PADI6: variants seen among roughly 807,000 people sequenced by gnomAD.
PADI6 encodes the protein inactive protein-arginine deiminase type-6.
PADI6 carries 66 observed loss-of-function variants against 78.2 expected under a neutral mutation model. The observed-to-expected ratio is 0.84, with a 90% CI of 0.69 to 1.04. The LOEUF is 1.04. Among genes scored for constraint, PADI6 ranks in the 50% least tolerant of loss-of-function variants. PADI6 has a pLI of 0.00. For synonymous variants in PADI6, 397 were observed against 346.9 expected (o/e 1.14, Z -1.60); for missense variants, 854 against 866.1 (o/e 0.99, Z 0.18).
chr1:17,385,526 T>C (rs2075111398), intron 6 of PADI6, among the ~76,000 whole-genome samples: 1 of 152,020 alleles, frequency 6.6e-6, no homozygotes, highest in South Asian at 2.1e-4. Context: ...TCGGAAGGCA[T>C]TGTCTGCCTT....
chr1:17,397,243 G>A (rs12129196), intron 14 of PADI6, 102 bp downstream of exon 14: 490,088 of 1,306,424 alleles, frequency 0.38, 94,036 homozygotes, highest in African/African-American at 0.4. Flanking sequence ...AGTGTTGGGC[G>A]GCGGGGGGCA....
intron 2 of PADI6, among the ~76,000 whole-genome samples, chr1:17,374,844 A>C (rs1345985832): frequency 1.3e-5 from 2 of 152,018 alleles, no homozygotes; most frequent in Non-Finnish European, 2.9e-5. Context: ...CATGACCAAG[A>C]CCTTGTGGTC....
rs965596617 is a variant in PADI6, at chr1:17,379,382, G to C, written c.368-538G>C. Among the ~76,000 whole-genome samples the C allele has an allele frequency of 1.3e-4, 19 of 144,052 alleles. 2 individuals carry two copies. Among genetic ancestry groups the C allele is most frequent in the African/African-American group, 5.6e-4 (19 of 33,910 alleles). 94.5% of individuals were successfully genotyped at this position (144,052 alleles called of 152,430 possible). ...GCCCGCCTCGGCCTCCCAAAGTGCT[G>C]GGATTACAGGCGTGAGCCATCGCGC... On this transcript the variant is annotated intron_variant, in intron 3 of 15. Coordinates refer to ENST00000619609, the MANE Select transcript of PADI6 (RefSeq NM_207421.4).
chr1:17,401,131 G>A (rs1270712635), intron 15 of PADI6, 74 bp from the exon 16 acceptor site: 2 of 1,417,348 alleles, frequency 1.4e-6, no homozygotes, highest in African/African-American at 1.4e-5. Flanking sequence ...TCTGACCGCA[G>A]AGAGGCAGGT....
At position 17,379,954 on chromosome 1, in the gene PADI6, G is replaced by T; in HGVS notation, c.402G>T (p.Gly134=). ...TAGAGGTAGACATCTACCGCAATGGGCAAGTTGAGATGTCAAGTGACAAAC... is the reference window on the plus strand; with the variant it reads ...TAGAGGTAGACATCTACCGCAATGGTCAAGTTGAGATGTCAAGTGACAAAC... ...VSLEVDIYRN[G]QVEMSSDKQA... The change falls in exon 4 of 16, where the codon GGG becomes GGT. Residue 134 remains glycine, a synonymous_variant. Coordinates refer to ENST00000619609, the MANE Select transcript of PADI6 (RefSeq NM_207421.4). 1 of 1,613,476 alleles carries T rather than the reference G, an allele frequency of 6.2e-7. No homozygotes were observed. Among genetic ancestry groups the T allele is most frequent in the South Asian group, 1.1e-5 (1 of 91,054 alleles).
chr1:17,385,649 C>T (rs1031395900), intron 6 of PADI6, among the ~76,000 whole-genome samples: 1 of 152,066 alleles, frequency 6.6e-6, no homozygotes, highest in Non-Finnish European at 1.5e-5. Context: ...TCTAGATGTT[C>T]TAGTCTATTG....
intron 9 of PADI6, 55 bp downstream of exon 9, chr1:17,392,280 G>A (rs2075194439): frequency 3.0e-6 from 4 of 1,317,682 alleles, no homozygotes; most frequent in Non-Finnish European, 3.2e-6. Flanking sequence ...GACTCAGCAT[G>A]TGCCACCTAA....
intron 9 of PADI6, among the ~76,000 whole-genome samples, chr1:17,393,007 A>G (rs1472724665): frequency 1.3e-5 from 2 of 152,176 alleles, no homozygotes; most frequent in Non-Finnish European, 2.9e-5. Context: ...TCAGCCGGGC[A>G]TGGTGGCGCG....
At position 17,376,522 on chromosome 1, in the gene PADI6, TTATTTTTAGTGGGCTATTTTTTTTG is replaced by T. The variant is rs1230348764; in HGVS notation, c.367+1040_367+1064del. Reference sequence around the variant, plus strand: ...TTTATTTTTAGTGGGCTAATTTTTTTTATTTTTAGTGGGCTATTTTTTTTGTATTTTTAGTGGGCTAATTTTTTTG... The same window carrying T: ...TTTATTTTTAGTGGGCTAATTTTTTTTATTTTTAGTGGGCTAATTTTTTTG... On this transcript the variant is annotated intron_variant, in intron 3 of 15. Coordinates refer to ENST00000619609, the MANE Select transcript of PADI6 (RefSeq NM_207421.4). 4.8e-3 allele frequency among the ~76,000 whole-genome samples: 725 copies of T among 149,798 alleles called. 2 individuals carry two copies. The highest frequency in any genetic ancestry group is 9.5e-3 in the African/African-American group (386 of 40,580).
chr1:17,380,319 C>T (rs1414038534), intron 4 of PADI6, among the ~76,000 whole-genome samples: 3 of 152,102 alleles, frequency 2.0e-5, no homozygotes, highest in Admixed American at 6.5e-5. Flanking sequence ...AAGTAATTCT[C>T]CTGCCTCAGC....
At chr1:17,376,944 A>AGACAC (rs2075025165) in intron 3 of PADI6, among the ~76,000 whole-genome samples, 1 of 152,026 alleles carries the variant, frequency 6.6e-6, no homozygotes, top group African/African-American at 2.4e-5. Flanking sequence ...TGGAGTGAAG[A>AGACAC]GACACGATCA....
chr1:17,394,980 T>C lies in PADI6; in HGVS notation c.1367T>C (p.Leu456Pro). The change falls in exon 12 of 16, where the codon CTC becomes CCC. Residue 456 changes from leucine to proline, a missense_variant. Coordinates refer to ENST00000619609, the MANE Select transcript of PADI6 (RefSeq NM_207421.4). ...GAGGGCCGGGCCATGAGTAAGACCC[T>C]CCGAGACTTCCTCTATGCCCAGCAG... ...SAEGRAMSKTLRDFLYAQQVQ... is the reference protein window; with the variant it reads ...SAEGRAMSKTPRDFLYAQQVQ... 6.2e-7 allele frequency: 1 copy of C among 1,613,090 alleles called. No homozygotes were observed. The highest frequency in any genetic ancestry group is 8.5e-7 in the Non-Finnish European group (1 of 1,179,848).
chr1:17,387,014 G>C (rs1041175196), intron 6 of PADI6, among the ~76,000 whole-genome samples: 4 of 152,194 alleles, frequency 2.6e-5, no homozygotes, highest in Admixed American at 6.5e-5. Context: ...CCTGAAATAA[G>C]TCACCTGGAA....
intron 6 of PADI6, among the ~76,000 whole-genome samples, chr1:17,386,633 GAA>G (rs894696982): frequency 4.6e-5 from 7 of 152,238 alleles, no homozygotes; most frequent in Non-Finnish European, 8.8e-5. Flanking sequence ...CAGGGCTGGT[GAA>G]GCATCTAGGT....
chr1:17,372,264 CG>C lies in PADI6; in HGVS notation c.20del (p.Arg7GlnfsTer51), dbSNP rs1557593161. On this transcript the variant is annotated frameshift_variant, in exon 1 of 16. Transcript: ENST00000619609. LOFTEE classifies it high-confidence loss of function. MVSVEG[R>X]AMSFQSIIHL... ...CCTGAGGATGGTCAGCGTGGAGGGC[CG>C]AGCCATGTCCTTCCAGAGTATCATC... 6.2e-7 allele frequency: 1 copy of C among 1,613,836 alleles called. No individual in the cohort carries two copies.
In PADI6 at chr1:17,388,295, T is replaced by G. The variant is rs749446125; in HGVS notation, c.680-86T>G. 91 of 1,262,204 alleles carry G rather than the reference T, an allele frequency of 7.2e-5. 1 individual carries two copies. The highest frequency in any genetic ancestry group is 2.7e-4 in the Middle Eastern group (1 of 3,742). The allele number at this position is 1,262,204 out of a possible 1,614,324, so 78.2% of individuals were successfully genotyped here. The stretch of plus-strand genomic sequence containing the variant: ...GGAACTCACAGCCTTGCATCTGATA[T>G]GAGGAATGAGCTGGTACCTTGACCA... On this transcript the variant is annotated intron_variant, in intron 6 of 15. Coordinates refer to ENST00000619609, the MANE Select transcript of PADI6 (RefSeq NM_207421.4).
intron 2 of PADI6, among the ~76,000 whole-genome samples, chr1:17,375,124 T>G (rs1411794195): frequency 6.6e-6 from 1 of 152,130 alleles, no homozygotes; most frequent in African/African-American, 2.4e-5. Context: ...GTTTCTTAAA[T>G]CCCTTTGGGA....
At position 17,393,967 on chromosome 1, in the gene PADI6, C is replaced by T. The variant is rs904235705; in HGVS notation, c.1075-8C>T. ...CTGGCAAACAATCTGTCTTCCTCTC[C>T]ATTCCAGGATGAGATGGCCTTCTGC... On this transcript the variant is annotated splice_polypyrimidine_tract_variant and splice_region_variant and intron_variant, in intron 9 of 15. Coordinates refer to ENST00000619609, the MANE Select transcript of PADI6 (RefSeq NM_207421.4). 2 of 1,611,418 alleles carry T rather than the reference C, an allele frequency of 1.2e-6. No homozygotes were observed. Among genetic ancestry groups the T allele is most frequent in the Non-Finnish European group, 1.7e-6 (2 of 1,177,574 alleles).
intron 3 of PADI6, 97 bp downstream of exon 3, chr1:17,375,596 T>A (rs1227725067): frequency 2.7e-6 from 3 of 1,093,122 alleles, no homozygotes; most frequent in African/African-American, 3.1e-5. Context: ...ATTCTCCAGG[T>A]AACAAGATGC....
Sources: allele counts gnomAD v4.1 joint callset (sites outside exome capture counted in the v4.1 genomes callset), GRCh38; gene constraint gnomAD v4.1.1; transcripts MANE v1.5; gene names NCBI Gene and HGNC (gene_info 2026-07-23, HGNC 2026-07-21).